Variants in MSR1 observed in about 807,000 individuals in gnomAD.
MSR1 encodes macrophage scavenger receptor 1.
MSR1 carries 53 observed loss-of-function variants against 47.2 expected under a neutral mutation model. The ratio of observed to expected loss-of-function variants is 1.12; its 90% CI spans 0.90 to 1.41. The LOEUF (loss-of-function observed/expected upper bound fraction) is 1.41. MSR1 is among the 40% of genes most tolerant of loss of function. MSR1 has a pLI of 0.00. For synonymous variants in MSR1, 239 were observed against 185.6 expected, an observed-to-expected ratio of 1.29 and a Z score of -2.34; for missense variants, 786 against 546.9, an observed-to-expected ratio of 1.44 and a Z score of -4.36.
intron 8 of MSR1, chr8:16,139,434 G>A (rs1443835102): frequency 6.3e-6 from 6 of 959,064 alleles, no homozygotes; most frequent in East Asian, 1.1e-4. Flanking sequence ...ACAAGAGTGG[G>A]AATAAAAATG....
intron 7 of MSR1, among the ~76,000 whole-genome samples, chr8:16,147,307 C>T (rs1283538182): frequency 6.6e-6 from 1 of 152,080 alleles, no homozygotes; most frequent in Non-Finnish European, 1.5e-5. Flanking sequence ...CTTATTCACC[C>T]TTCATTTCCC....
chr8:16,162,391 T>C (rs927396009), intron 5 of MSR1, among the ~76,000 whole-genome samples: 1 of 152,056 alleles, frequency 6.6e-6, no homozygotes, highest in African/African-American at 2.4e-5. Flanking sequence ...TTCCAAAAGA[T>C]ATACTTCAGG....
Position 16,150,270 on chromosome 8 carries a change from GA to G in MSR1, c.939del (p.Pro314LeufsTer31). On this transcript the variant is annotated frameshift_variant, in exon 7 of 10. Coordinates refer to ENST00000262101, the MANE Select transcript of MSR1 (RefSeq NM_138715.3). LOFTEE classifies it high-confidence loss of function. Reference sequence around the variant, plus strand: ...TATCCTGGGAGTCCTCGACTTCCAGGAAAGCCAATTGCTCCCCGATCACCTT... The same window carrying G: ...TATCCTGGGAGTCCTCGACTTCCAGGAAGCCAATTGCTCCCCGATCACCTT... Reference protein sequence around the residue: ...GLKGDRGAIGFPGSRGLPGYA... With the variant: ...GLKGDRGAIGXPGSRGLPGYA... The G allele has an allele frequency of 6.4e-7, 1 of 1,566,928 alleles. No homozygotes were observed. The highest frequency in any genetic ancestry group is 8.7e-7 in the Non-Finnish European group (1 of 1,153,982).
At chr8:16,186,349 A>G (rs954358802) in intron 1 of MSR1, 1 of 667,766 alleles carries the variant, frequency 1.5e-6, no homozygotes, top group African/African-American at 1.8e-5. Flanking sequence ...TCATTGCTTT[A>G]AATATAATCT....
At chr8:16,113,166 T>C (rs1173910959) in intron 9 of MSR1, among the ~76,000 whole-genome samples, 31 of 151,960 alleles carry the variant, frequency 2.0e-4, no homozygotes, top group Admixed American at 1.9e-3. Context: ...GCCAGAATGG[T>C]CTCGATCTCT....
intron 4 of MSR1, among the ~76,000 whole-genome samples, chr8:16,167,546 A>AAAAC (rs35532101): frequency 7.8e-4 from 119 of 152,138 alleles, no homozygotes; most frequent in African/African-American, 1.4e-3. Flanking sequence ...CTCCATCTCA[A>AAAAC]AAACAAACAA....
At chr8:16,151,632 A>G (rs569544404) in intron 6 of MSR1, among the ~76,000 whole-genome samples, 58 of 152,304 alleles carry the variant, frequency 3.8e-4, no homozygotes, top group African/African-American at 1.2e-3. Flanking sequence ...CATGGACAAT[A>G]TAAGTACAGT....
At chr8:16,191,893 C>CT (rs34210458) in intron 1 of MSR1, among the ~76,000 whole-genome samples, 1 of 152,066 alleles carries the variant, frequency 6.6e-6, no homozygotes, top group South Asian at 2.1e-4. Context: ...TTTTGATAGA[C>CT]TTTTTTCACA....
intron 6 of MSR1, among the ~76,000 whole-genome samples, chr8:16,151,461 G>C (rs952228855): frequency 6.6e-6 from 1 of 152,118 alleles, no homozygotes; most frequent in Non-Finnish European, 1.5e-5. Flanking sequence ...TATGTGACTT[G>C]TTTGTTTAAT....
chr8:16,114,524 G>A (rs996528965), intron 9 of MSR1, among the ~76,000 whole-genome samples: 3 of 151,990 alleles, frequency 2.0e-5, no homozygotes, highest in Non-Finnish European at 2.9e-5. Flanking sequence ...TTGCTGCAGG[G>A]AGACCACAGG....
chr8:16,139,549 G>C, intron 8 of MSR1: 1 of 983,692 alleles, frequency 1.0e-6, no homozygotes, highest in East Asian at 1.1e-4. Context: ...TTGTGAAAAT[G>C]TAGTCTGTTG....
rs1350662728 is a variant in MSR1 at position 16,175,285 on chromosome 8, G to C, written c.119C>G (p.Pro40Arg). Residue 40 changes from proline (P) to arginine (R), a missense_variant, in exon 3 of 10, where the codon CCT (proline) becomes CGT (arginine). By Grantham distance (103) the Pro-to-Arg change is moderately radical (BLOSUM62 -2). Transcript: ENST00000262101. The stretch of plus-strand genomic sequence containing the variant: ...GGACTTCAGTTTCTCTTGAAGGGAA[G>C]GGCTGTTTTTAGGATCTAATAAAAC... Reference protein sequence around the residue: ...ALLPPNPKNSPSLQEKLKSFK... With the variant: ...ALLPPNPKNSRSLQEKLKSFK... 1.2e-6 allele frequency: 2 copies of C among 1,613,850 alleles called. No individual in the cohort carries two copies. The highest frequency in any genetic ancestry group is 1.1e-5 in the South Asian group (1 of 91,084).
In MSR1 at chr8:16,192,579, A is replaced by C. The variant is rs2116962909; in HGVS notation, c.-5+19T>G. On this transcript the variant is annotated intron_variant, in intron 1 of 9. Transcript: ENST00000262101. ...CAATTCTGGAAAAAACATTAAAATA[A>C]GCCTTTTTTTTTCTTTACCTTTCGT... 1 of 152,226 alleles carries C rather than the reference A, an allele frequency of 6.6e-6. No individual in the cohort carries two copies. The highest frequency in any genetic ancestry group is 2.1e-4 in the South Asian group (1 of 4,820). The allele number at this position is 152,226 out of a possible 1,614,324, so 9.4% of individuals were successfully genotyped here.
chr8:16,186,403 C>G (rs1011765278), intron 1 of MSR1: 3 of 539,338 alleles, frequency 5.6e-6, no homozygotes, highest in Non-Finnish European at 6.6e-6. Context: ...GCCCATAGCT[C>G]GTCTCTCAAC....
At chr8:16,120,287 G>C in intron 9 of MSR1, 131 bp downstream of exon 9, 1 of 908,074 alleles carries the variant, frequency 1.1e-6, no homozygotes, top group Non-Finnish European at 1.8e-6. Context: ...TAAGGGAGGA[G>C]AATCGCTTGA....
chr8:16,130,311 A>G (rs1800226589), intron 8 of MSR1, among the ~76,000 whole-genome samples: 1 of 152,002 alleles, frequency 6.6e-6, no homozygotes, highest in East Asian at 1.9e-4. Context: ...TGTCAGTGTC[A>G]TTTTTCCAAT....
At chr8:16,126,717 G>A (rs1169636451) in intron 8 of MSR1, among the ~76,000 whole-genome samples, 3 of 152,124 alleles carry the variant, frequency 2.0e-5, no homozygotes, top group African/African-American at 4.8e-5. Flanking sequence ...AGAGTCAAGA[G>A]GAGATATTTT....
In MSR1 at chr8:16,190,723, C is replaced by CTTTTTTTTTTTTTTTTTTTTTTTTTTTT. The variant is rs772816603; in HGVS notation, c.-5+1874_-5+1875insAAAAAAAAAAAAAAAAAAAAAAAAAAAA. Among the ~76,000 whole-genome samples the CTTTTTTTTTTTTTTTTTTTTTTTTTTTT allele has an allele frequency of 2.8e-5, 4 of 145,302 alleles. 1 individual carries two copies. Among genetic ancestry groups the CTTTTTTTTTTTTTTTTTTTTTTTTTTTT allele is most frequent in the Admixed American group, 1.4e-4 (2 of 14,222 alleles). ...TTATCATATTCTTTCTTTTTTCTTTCTTTCTTTTTGTTTTTGAGATGGAGT... is the reference window on the plus strand; with the variant it reads ...TTATCATATTCTTTCTTTTTTCTTTCTTTTTTTTTTTTTTTTTTTTTTTTTTTTTTTCTTTTTGTTTTTGAGATGGAGT... On this transcript the variant is annotated intron_variant, in intron 1 of 9. Transcript: ENST00000262101.
intron 5 of MSR1, among the ~76,000 whole-genome samples, chr8:16,157,631 CT>C (rs1285790258): frequency 1.3e-5 from 2 of 151,858 alleles, no homozygotes; most frequent in Non-Finnish European, 2.9e-5. Context: ...TTTTAAGTGT[CT>C]TTTAGATTCA....
Sources: allele counts gnomAD v4.1 joint callset (sites outside exome capture counted in the v4.1 genomes callset), GRCh38; gene constraint gnomAD v4.1.1; transcripts MANE v1.5; gene names NCBI Gene and HGNC (gene_info 2026-07-23, HGNC 2026-07-21).